The following DYNC2H1 variants were observed in gnomAD, a reference collection of about 807,000 sequenced individuals.
DYNC2H1 encodes cytoplasmic dynein 2 heavy chain 1.
In DYNC2H1, 410 loss-of-function variants were observed where a neutral mutation model predicts 570.0. The ratio of observed to expected loss-of-function variants is 0.72; its 90% CI spans 0.66 to 0.78. DYNC2H1 has a LOEUF of 0.78. Ranked by LOEUF, DYNC2H1 falls within the 30% of genes least tolerant of loss-of-function variation. The pLI is 0.00. For synonymous variants in DYNC2H1, 1,688 were observed against 1,677.6 expected (o/e 1.01, Z -0.15); for missense variants, 4,865 against 5,046.4 (o/e 0.96, Z 1.09).
intron 20 of DYNC2H1, among the ~76,000 whole-genome samples, chr11:103,150,396 A>G (rs1232137193): frequency 6.6e-6 from 1 of 152,044 alleles, no homozygotes; most frequent in African/African-American, 2.4e-5. Flanking sequence ...TGGAGATAGA[A>G]CTATATCTCC....
intron 18 of DYNC2H1, 111 bp downstream of exon 18, chr11:103,143,506 A>C (rs1860077868): frequency 1.1e-5 from 12 of 1,099,986 alleles, no homozygotes; most frequent in Non-Finnish European, 1.5e-5. Flanking sequence ...TGCCTCCTCC[A>C]GATCTCATTT....
At position 103,250,462 on chromosome 11, in the gene DYNC2H1, A is replaced by G. The variant is rs1864785774; in HGVS notation, c.10043-2823A>G. On this transcript the variant is annotated intron_variant, in intron 65 of 88. Coordinates refer to ENST00000375735, the MANE Select transcript of DYNC2H1 (RefSeq NM_001377.3). ...TGATCACGTCACCCAGATAGTGGAC[A>G]TAGTATCCAAGAGGAAGTTTTTTAG... Among the ~76,000 whole-genome samples the G allele has an allele frequency of 2.0e-5, 3 of 152,096 alleles. 1 individual carries two copies. The South Asian group carries it at 6.2e-4, about 32-fold the overall frequency.
Position 103,439,784 on chromosome 11 carries a change from A to G in DYNC2H1, c.12456+3752A>G, listed in dbSNP as rs771297648. ...CCAATACCTATATACTGTCTGCTGA[A>G]TGAATGAATGAACAAAGGAATTAAC... On this transcript the variant is annotated intron_variant, in intron 85 of 88. Transcript: ENST00000375735. This position sits in a 1 kb window ranked among gnomAD's most constrained non-coding sequence, Gnocchi z 4.1. Among the ~76,000 whole-genome samples, 2 of 152,132 alleles carry G rather than the reference A, an allele frequency of 1.3e-5. No individual in the cohort carries two copies. Among genetic ancestry groups the G allele is most frequent in the South Asian group, 2.1e-4 (1 of 4,824 alleles).
intron 59 of DYNC2H1, among the ~76,000 whole-genome samples, chr11:103,229,248 G>A (rs1354002299): frequency 6.6e-6 from 1 of 152,156 alleles, no homozygotes; most frequent in African/African-American, 2.4e-5. Context: ...AGGGTCTGTG[G>A]ATTCTTTTGG....
intron 28 of DYNC2H1, among the ~76,000 whole-genome samples, chr11:103,160,125 C>A (rs1382203547): frequency 1.3e-5 from 2 of 152,056 alleles, no homozygotes; most frequent in Non-Finnish European, 2.9e-5. Flanking sequence ...TTTATTCAAC[C>A]AATTTCTCTA....
At chr11:103,156,308 T>A in intron 25 of DYNC2H1, 80 bp from the exon 26 acceptor site, 1 of 1,363,350 alleles carries the variant, frequency 7.3e-7, no homozygotes. Context: ...AAATATATTT[T>A]TCATAAAATA....
intron 84 of DYNC2H1, among the ~76,000 whole-genome samples, chr11:103,431,697 C>T (rs370221936): frequency 1.3e-5 from 2 of 152,016 alleles, no homozygotes; most frequent in Non-Finnish European, 2.9e-5. Flanking sequence ...CTTTGGGATT[C>T]GACAAACTCT....
chr11:103,241,470 T>G lies in DYNC2H1; in HGVS notation c.9820-2223T>G. ...CCCTTTGAAAAACTTAAGCATGTTT[T>G]CTTTGCTAAAAACATTTTGAAATGT... On this transcript the variant is annotated intron_variant, in intron 63 of 88. Coordinates refer to ENST00000375735, the MANE Select transcript of DYNC2H1 (RefSeq NM_001377.3). This position sits in a 1 kb window ranked among gnomAD's most constrained non-coding sequence, Gnocchi z 5.1. 2 of 1,512,482 alleles carry G rather than the reference T, an allele frequency of 1.3e-6. No homozygotes were observed. The highest frequency in any genetic ancestry group is 1.8e-6 in the Non-Finnish European group (2 of 1,100,268). The allele number at this position is 1,512,482 out of a possible 1,614,324, so 93.7% of individuals were successfully genotyped here. A position where few individuals can be genotyped will look rare whatever the true frequency, so the allele number is the denominator to read the frequency against.
chr11:103,143,192 G>A, intron 17 of DYNC2H1, 76 bp from the exon 18 acceptor site: 3 of 1,491,196 alleles, frequency 2.0e-6, no homozygotes, highest in Admixed American at 1.9e-5. Context: ...GGTTTTAATA[G>A]TTGAATCCTA....
chr11:103,185,555 T>G lies in DYNC2H1; in HGVS notation c.6633+504T>G, dbSNP rs995206927. On this transcript the variant is annotated intron_variant, in intron 41 of 88. Transcript: ENST00000375735. The surrounding 1 kb of genome is among the most constrained non-coding windows in gnomAD (Gnocchi z 4.5). ...TTTTCCAATTGACCTCTACTGAAAT[T>G]ATTGGACATTTATTCCTTTGGGTTG... Among the ~76,000 whole-genome samples the G allele has an allele frequency of 2.5e-4, 38 of 150,842 alleles. No individual in the cohort carries two copies. Among genetic ancestry groups the G allele is most frequent in the African/African-American group, 8.8e-4 (36 of 41,068 alleles).
chr11:103,468,605 TAGA>T lies in DYNC2H1; in HGVS notation c.12668_12670del (p.Glu4223del). ...CCATGGCAGATCAGTGGCTTGTTACTAGAAGGATGTAGTTTTGATGGAAATCAA... is the reference window on the plus strand; with the variant it reads ...CCATGGCAGATCAGTGGCTTGTTACTAGGATGTAGTTTTGATGGAAATCAA... On this transcript the variant is annotated inframe_deletion, in exon 88 of 89. Coordinates refer to ENST00000375735, the MANE Select transcript of DYNC2H1 (RefSeq NM_001377.3). The T allele has an allele frequency of 1.2e-6, 2 of 1,613,352 alleles. No individual in the cohort carries two copies. Among genetic ancestry groups the T allele is most frequent in the Non-Finnish European group, 1.7e-6 (2 of 1,179,532 alleles).
chr11:103,208,690 G>A (rs773102764), intron 52 of DYNC2H1, among the ~76,000 whole-genome samples: 1 of 152,014 alleles, frequency 6.6e-6, no homozygotes, highest in African/African-American at 2.4e-5. Flanking sequence ...GGGTTGATAG[G>A]ATCCATCAGT....
chr11:103,323,227 G>T (rs1938304264), intron 81 of DYNC2H1, among the ~76,000 whole-genome samples: 1 of 152,120 alleles, frequency 6.6e-6, no homozygotes, highest in Non-Finnish European at 1.5e-5. Context: ...CTTAGTTTTT[G>T]ATTTAAAGTC....
intron 88 of DYNC2H1, among the ~76,000 whole-genome samples, chr11:103,474,435 T>C (rs1442624938): frequency 6.6e-6 from 1 of 152,210 alleles, no homozygotes; most frequent in African/African-American, 2.4e-5. Flanking sequence ...TGTCTTCATA[T>C]GTGTTTTGTT....
At position 103,143,535 on chromosome 11, in the gene DYNC2H1, C is replaced by A. The variant is rs564038306; in HGVS notation, c.2702+140C>A. ...CTCATTTATGACACTTGAGTATCATCTAGGTAGGGCATTACAGATAATAAA... is the reference window on the plus strand; with the variant it reads ...CTCATTTATGACACTTGAGTATCATATAGGTAGGGCATTACAGATAATAAA... On this transcript the variant is annotated intron_variant, in intron 18 of 88. Transcript: ENST00000375735. 1.6e-4 allele frequency: 128 copies of A among 808,856 alleles called. 1 individual carries two copies. In the African/African-American group the frequency reaches 2.1e-3, roughly 13 times the overall value. The allele number at this position is 808,856 out of a possible 1,614,324, so 50.1% of individuals were successfully genotyped here.
intron 55 of DYNC2H1, 138 bp downstream of exon 55, chr11:103,215,996 C>T (rs635193): frequency 2.3e-5 from 24 of 1,063,200 alleles, no homozygotes; most frequent in Admixed American, 3.0e-5. Context: ...GATATTATGT[C>T]CTTAAGCTTT....
rs1201435617 is a variant in DYNC2H1 at position 103,244,587 on chromosome 11, A to T, written c.9919-664A>T. 6.7e-6 allele frequency among the ~76,000 whole-genome samples: 1 copy of T among 149,024 alleles called. No individual in the cohort carries two copies. The highest frequency in any genetic ancestry group is 1.5e-5 in the Non-Finnish European group (1 of 67,306). ...CAATATTATATATAACTATATATGCAAATCATTTATGGTTTGCAATATTAT... is the reference window on the plus strand; with the variant it reads ...CAATATTATATATAACTATATATGCTAATCATTTATGGTTTGCAATATTAT... On this transcript the variant is annotated intron_variant, in intron 64 of 88. Coordinates refer to ENST00000375735, the MANE Select transcript of DYNC2H1 (RefSeq NM_001377.3). The surrounding 1 kb of genome is among the most constrained non-coding windows in gnomAD (Gnocchi z 4.3).
chr11:103,360,406 ACTTACTATCATTACTTACTATCAT>A (rs935439877), intron 83 of DYNC2H1, among the ~76,000 whole-genome samples: 4 of 152,142 alleles, frequency 2.6e-5, no homozygotes, highest in Non-Finnish European at 4.4e-5. Context: ...TAATGATAGT[ACTTACTATCATTACTTACTATCAT>A]CACCAGCAAT....
In DYNC2H1 at chr11:103,252,934, T is replaced by C. The variant is rs1591477554; in HGVS notation, c.10043-351T>C. 1.3e-5 allele frequency among the ~76,000 whole-genome samples: 2 copies of C among 152,256 alleles called. No homozygotes were observed. Among genetic ancestry groups the C allele is most frequent in the South Asian group, 2.1e-4 (1 of 4,830 alleles). ...ACTTTTAAAATGATGAATTTAGAAG[T>C]AAAGAAAAAATATAATTGAGGATTT... On this transcript the variant is annotated intron_variant, in intron 65 of 88. Coordinates refer to ENST00000375735, the MANE Select transcript of DYNC2H1 (RefSeq NM_001377.3). This position sits in a 1 kb window ranked among gnomAD's most constrained non-coding sequence, Gnocchi z 4.6.
Sources: allele counts gnomAD v4.1 joint callset (sites outside exome capture counted in the v4.1 genomes callset), GRCh38; gene constraint gnomAD v4.1.1; non-coding constraint Gnocchi (gnomAD v3.1); transcripts MANE v1.5; gene names NCBI Gene and HGNC (gene_info 2026-07-23, HGNC 2026-07-21).